FER: variants seen among roughly 807,000 people sequenced by gnomAD.
FER encodes the protein tyrosine-protein kinase Fer.
Under a neutral mutation model 111.0 loss-of-function variants are expected in FER, and 63 were observed. The observed-to-expected ratio is 0.57, with a 90% CI of 0.46 to 0.70. The LOEUF is 0.70. FER is among the 30% of genes least tolerant of loss of function. FER has a pLI of 0.00. For synonymous variants in FER, 327 were observed against 313.9 expected (o/e 1.04, Z -0.44); for missense variants, 914 against 954.0 (o/e 0.96, Z 0.55).
chr5:108,786,558 T>C (rs1580520286), intron 2 of FER, among the ~76,000 whole-genome samples: 1 of 152,268 alleles, frequency 6.6e-6, no homozygotes, highest in Admixed American at 6.5e-5. Flanking sequence ...TGGAGTGCAG[T>C]GATGCGAGGG....
At chr5:109,140,368 ACATCTTGT>A (rs1258679833) in intron 17 of FER, among the ~76,000 whole-genome samples, 1 of 152,238 alleles carries the variant, frequency 6.6e-6, no homozygotes, top group Non-Finnish European at 1.5e-5. Context: ...ATAAGGTAGT[ACATCTTGT>A]GCTCTTATTG....
chr5:109,061,773 G>C (rs538305584), intron 16 of FER, among the ~76,000 whole-genome samples: 1 of 152,182 alleles, frequency 6.6e-6, no homozygotes, highest in East Asian at 1.9e-4. Flanking sequence ...AAAACTGTTA[G>C]GTTAAAAGCA....
chr5:109,138,760 T>C (rs1221574161), intron 17 of FER, among the ~76,000 whole-genome samples: 2 of 152,220 alleles, frequency 1.3e-5, no homozygotes, highest in African/African-American at 4.8e-5. Flanking sequence ...GTTAGGAGAC[T>C]ATTACAGCTA....
rs146432417 is a variant in FER, at chr5:108,820,177, C to T, written c.208-12593C>T. The T allele has an allele frequency of 4.5e-3, 4,408 of 985,350 alleles. 9 individuals are homozygous for T. The highest frequency in any genetic ancestry group is 5.1e-3 in the Non-Finnish European group (4,265 of 829,912). 61.0% of individuals were successfully genotyped at this position (985,350 alleles called of 1,614,324 possible). On this transcript the variant is annotated intron_variant, in intron 3 of 19. Coordinates refer to ENST00000281092, the MANE Select transcript of FER (RefSeq NM_005246.4). ...CCATTATTGTTTTAACAGTCCTCTACTAGAGCTGGATCAACAAAGGAATCT... is the reference window on the plus strand; with the variant it reads ...CCATTATTGTTTTAACAGTCCTCTATTAGAGCTGGATCAACAAAGGAATCT...
intron 3 of FER, among the ~76,000 whole-genome samples, chr5:108,825,815 G>T (rs1305648441): frequency 6.6e-6 from 1 of 152,204 alleles, no homozygotes. Flanking sequence ...ACGTTCTTCT[G>T]TCATGGCTTC....
chr5:108,818,035 T>C (rs982584453), intron 3 of FER: 1 of 152,220 alleles, frequency 6.6e-6, no homozygotes, highest in Admixed American at 6.5e-5. Flanking sequence ...ATTGAATTAT[T>C]ATTCCTCCTT....
chr5:109,030,964 T>C (rs1769514820), intron 13 of FER, among the ~76,000 whole-genome samples: 1 of 152,006 alleles, frequency 6.6e-6, no homozygotes, highest in South Asian at 2.1e-4. Flanking sequence ...TGGTCGCTCA[T>C]TTGTCTGGGA....
At chr5:108,971,272 C>CAAAAAAAAAAAA (rs201694196) in intron 13 of FER, among the ~76,000 whole-genome samples, 1 of 76,332 alleles carries the variant, frequency 1.3e-5, no homozygotes, top group African/African-American at 4.1e-5. Context: ...GAACCTGTCT[C>CAAAAAAAAAAAA]AAAAAAAAAA....
chr5:108,817,738 G>T (rs894431363), intron 3 of FER, among the ~76,000 whole-genome samples: 2 of 152,182 alleles, frequency 1.3e-5, no homozygotes, highest in Admixed American at 1.3e-4. Flanking sequence ...TCACTACACA[G>T]CTGTTAGTTC....
At chr5:108,756,651 A>G (rs2149917136) in intron 1 of FER, among the ~76,000 whole-genome samples, 1 of 152,210 alleles carries the variant, frequency 6.6e-6, no homozygotes, top group Admixed American at 6.5e-5. Flanking sequence ...TATATAATTA[A>G]TGATAGATCA....
At chr5:109,091,165 G>T (rs1311881487) in intron 16 of FER, among the ~76,000 whole-genome samples, 1 of 152,190 alleles carries the variant, frequency 6.6e-6, no homozygotes, top group Non-Finnish European at 1.5e-5. Context: ...GCATTTTGGA[G>T]ATCTTAGAGG....
intron 17 of FER, among the ~76,000 whole-genome samples, chr5:109,113,535 C>A (rs926621540): frequency 6.6e-6 from 1 of 152,100 alleles, no homozygotes; most frequent in Admixed American, 6.6e-5. Context: ...AATTTACTTA[C>A]ATTTTTCATA....
intron 16 of FER, among the ~76,000 whole-genome samples, chr5:109,096,027 T>A (rs889165363): frequency 1.8e-4 from 28 of 152,084 alleles, no homozygotes; most frequent in African/African-American, 5.5e-4. Flanking sequence ...TTAGTGGCAT[T>A]GCCCTGATGA....
chr5:108,982,109 A>G (rs984190086), intron 13 of FER, among the ~76,000 whole-genome samples: 12 of 151,956 alleles, frequency 7.9e-5, no homozygotes, highest in African/African-American at 2.9e-4. Flanking sequence ...AGAAATGCAA[A>G]TTTTCTGACT....
intron 11 of FER, among the ~76,000 whole-genome samples, chr5:108,951,452 G>A (rs1049883447): frequency 6.6e-6 from 1 of 151,912 alleles, no homozygotes; most frequent in African/African-American, 2.4e-5. Context: ...TACCAGTTGA[G>A]TCTTAACGGA....
In FER at chr5:109,060,200, T is replaced by G. The variant is rs1774209353; in HGVS notation, c.1924+13002T>G. On this transcript the variant is annotated intron_variant, in intron 16 of 19. Coordinates refer to ENST00000281092, the MANE Select transcript of FER (RefSeq NM_005246.4). ...AATAGACAGGCATGAGGGTTCTTTT[T>G]GGAGTGATGAAATTATTCTAAATTT... Among the ~76,000 whole-genome samples, 5 of 152,342 alleles carry G rather than the reference T, an allele frequency of 3.3e-5. No individual in the cohort carries two copies. The South Asian group carries it at 1.0e-3, about 32-fold the overall frequency.
intron 17 of FER, among the ~76,000 whole-genome samples, chr5:109,102,375 A>G (rs1009307096): frequency 6.6e-6 from 1 of 152,056 alleles, no homozygotes; most frequent in African/African-American, 2.4e-5. Flanking sequence ...GGTTTGACAA[A>G]TAGGTTTCAA....
chr5:108,830,133 T>C (rs769050015), intron 3 of FER, among the ~76,000 whole-genome samples: 1 of 152,160 alleles, frequency 6.6e-6, no homozygotes. Flanking sequence ...GATTAGCAGA[T>C]AGATAATGGG....
At chr5:109,113,950 T>TA (rs982228073) in intron 17 of FER, among the ~76,000 whole-genome samples, 4 of 152,112 alleles carry the variant, frequency 2.6e-5, no homozygotes, top group African/African-American at 9.6e-5. Flanking sequence ...GAAACAAGAT[T>TA]AAAAAAATAG....
Sources: gnomAD v4.1 joint callset for allele counts (sites outside exome capture counted in the v4.1 genomes callset) on GRCh38, gnomAD v4.1.1 for gene constraint, MANE v1.5 for transcripts, NCBI Gene and HGNC (gene_info 2026-07-23, HGNC 2026-07-21) for gene names.